PTPRK: variants seen among roughly 807,000 people sequenced by gnomAD.
PTPRK encodes the protein receptor-type tyrosine-protein phosphatase kappa.
PTPRK carries 75 observed loss-of-function variants against 178.0 expected under a neutral mutation model. The observed-to-expected ratio is 0.42, with a 90% confidence interval of 0.35 to 0.51. The LOEUF (loss-of-function observed/expected upper bound fraction) is 0.51. PTPRK is among the 20% of genes least tolerant of loss of function. PTPRK has a pLI of 0.02. For missense variants in PTPRK, 1,441 were observed against 1,797.8 expected, an observed-to-expected ratio of 0.80 and a Z score of 3.59; for synonymous variants, 637 against 620.6, an observed-to-expected ratio of 1.03 and a Z score of -0.39.
At chr6:128,045,022 T>A (rs1777821816) in intron 13 of PTPRK, among the ~76,000 whole-genome samples, 1 of 152,002 alleles carries the variant, frequency 6.6e-6, no homozygotes, top group African/African-American at 2.4e-5. Flanking sequence ...ATATAGCCTG[T>A]CTGTTACAAC....
intron 2 of PTPRK, among the ~76,000 whole-genome samples, chr6:128,390,981 A>C (rs1260952406): frequency 6.6e-6 from 1 of 152,118 alleles, no homozygotes; most frequent in Non-Finnish European, 1.5e-5. Context: ...TGTTTTTCAG[A>C]GAAGCCATCT....
intron 6 of PTPRK, among the ~76,000 whole-genome samples, chr6:128,211,902 A>T (rs1342509941): frequency 6.6e-6 from 1 of 151,916 alleles, no homozygotes; most frequent in Non-Finnish European, 1.5e-5. Flanking sequence ...TCATTATACC[A>T]CTAAACACTC....
chr6:128,473,325 C>A (rs1341599), intron 1 of PTPRK, among the ~76,000 whole-genome samples: 8,998 of 151,470 alleles, frequency 0.059, 499 homozygotes, highest in African/African-American at 0.15. Context: ...TAGTATCATA[C>A]CTGAAAGCAC....
intron 7 of PTPRK, among the ~76,000 whole-genome samples, chr6:128,091,445 C>T (rs551234692): frequency 3.9e-4 from 59 of 152,256 alleles, no homozygotes; most frequent in African/African-American, 1.3e-3. Context: ...CTATGACTGC[C>T]CACCAGCTAA....
At chr6:128,254,704 T>G (rs903304785) in intron 3 of PTPRK, among the ~76,000 whole-genome samples, 2 of 152,012 alleles carry the variant, frequency 1.3e-5, no homozygotes, top group African/African-American at 4.8e-5. Context: ...AAAATATTTT[T>G]ATCTAGAATA....
chr6:128,083,888 G>C, intron 8 of PTPRK, 64 bp from the exon 9 acceptor site: 1 of 764,066 alleles, frequency 1.3e-6, no homozygotes, highest in Non-Finnish European at 2.0e-6. Flanking sequence ...AAGTAAATCA[G>C]ATAAGCTAGA....
Position 128,316,580 on chromosome 6 carries a change from C to T in PTPRK, c.495+5459G>A, listed in dbSNP as rs572766949. On this transcript the variant is annotated intron_variant, in intron 3 of 29. Transcript: ENST00000368226. ...TTGTTCATCTGTTAAAATTTATTTACACAACCATAAGTTTCATCAATGAAT... is the reference window on the plus strand; with the variant it reads ...TTGTTCATCTGTTAAAATTTATTTATACAACCATAAGTTTCATCAATGAAT... Among the ~76,000 whole-genome samples, 17 of 152,158 alleles carry T rather than the reference C, an allele frequency of 1.1e-4. No homozygotes were observed. The South Asian group carries it at 3.1e-3, about 28-fold the overall frequency.
At chr6:128,380,456 T>G (rs1837722972) in intron 2 of PTPRK, among the ~76,000 whole-genome samples, 1 of 151,830 alleles carries the variant, frequency 6.6e-6, no homozygotes, top group Non-Finnish European at 1.5e-5. Flanking sequence ...TCTATAGAAT[T>G]CTGCTACTAT....
intron 1 of PTPRK, among the ~76,000 whole-genome samples, chr6:128,436,296 A>T (rs559105986): frequency 2.7e-4 from 41 of 152,298 alleles, no homozygotes; most frequent in African/African-American, 9.9e-4. Context: ...ACTAACAAGT[A>T]AAATAATCCA....
intron 3 of PTPRK, among the ~76,000 whole-genome samples, chr6:128,276,974 A>C (rs1332724928): frequency 1.3e-5 from 2 of 152,116 alleles, no homozygotes; most frequent in Non-Finnish European, 1.5e-5. Flanking sequence ...CCATGTCCCA[A>C]AGGGCCTCCC....
intron 13 of PTPRK, among the ~76,000 whole-genome samples, chr6:128,028,450 G>A (rs769693218): frequency 1.3e-5 from 2 of 152,138 alleles, no homozygotes; most frequent in Non-Finnish European, 2.9e-5. Context: ...TCTCATATCT[G>A]TATCAACATA....
intron 7 of PTPRK, among the ~76,000 whole-genome samples, chr6:128,167,071 C>CA (rs1477530029): frequency 6.6e-6 from 1 of 151,632 alleles, no homozygotes; most frequent in Non-Finnish European, 1.5e-5. Context: ...AAAACTCCCT[C>CA]AAAATCAGTC....
At chr6:128,318,996 G>A (rs572689664) in intron 3 of PTPRK, among the ~76,000 whole-genome samples, 1 of 152,136 alleles carries the variant, frequency 6.6e-6, no homozygotes, top group African/African-American at 2.4e-5. Flanking sequence ...AAGCTGAAAA[G>A]GCATTGATTG....
At chr6:128,186,879 C>A (rs1290339572) in intron 6 of PTPRK, among the ~76,000 whole-genome samples, 1 of 152,102 alleles carries the variant, frequency 6.6e-6, no homozygotes, top group East Asian at 1.9e-4. Context: ...AAATGCTGCA[C>A]ATATTTTAAG....
chr6:128,432,401 T>C (rs1844949414), intron 1 of PTPRK, among the ~76,000 whole-genome samples: 1 of 152,194 alleles, frequency 6.6e-6, no homozygotes, highest in African/African-American at 2.4e-5. Flanking sequence ...TAGGAGACAA[T>C]GGCTAAACAA....
intron 2 of PTPRK, among the ~76,000 whole-genome samples, chr6:128,381,365 TG>T (rs1220549654): frequency 1.3e-5 from 2 of 152,132 alleles, no homozygotes; most frequent in Admixed American, 1.3e-4. Flanking sequence ...TGCGTCAGAG[TG>T]CAAAGCAACT....
At chr6:128,243,488 T>TAAAAAAAAA (rs760606919) in intron 3 of PTPRK, among the ~76,000 whole-genome samples, 7 of 59,124 alleles carry the variant, frequency 1.2e-4, no homozygotes, top group Admixed American at 2.3e-4. Context: ...AGCCTGTCGC[T>TAAAAAAAAA]AAAAAAAAAA....
chr6:128,081,200 A>G (rs1784759249), intron 10 of PTPRK, among the ~76,000 whole-genome samples: 1 of 151,934 alleles, frequency 6.6e-6, no homozygotes, highest in African/African-American at 2.4e-5. Context: ...ACCAAGTCTT[A>G]TTTTCTGGTA....
At chr6:128,255,025 C>T (rs1169213821) in intron 3 of PTPRK, among the ~76,000 whole-genome samples, 1 of 152,180 alleles carries the variant, frequency 6.6e-6, no homozygotes, top group Non-Finnish European at 1.5e-5. Flanking sequence ...GAGTCTTGCT[C>T]TATCGCCCAG....
Sources: allele counts gnomAD v4.1 joint callset (sites outside exome capture counted in the v4.1 genomes callset), GRCh38; gene constraint gnomAD v4.1.1; transcripts MANE v1.5; gene names NCBI Gene and HGNC (gene_info 2026-07-23, HGNC 2026-07-21).